The following GRM8 variants were observed in gnomAD, a reference collection of about 807,000 sequenced individuals.
The protein encoded by GRM8 is metabotropic glutamate receptor 8.
GRM8 carries 47 observed loss-of-function variants against 87.2 expected under a neutral mutation model. The ratio of observed to expected loss-of-function variants is 0.54; its 90% CI spans 0.43 to 0.69. The LOEUF (loss-of-function observed/expected upper bound fraction) is 0.69, where lower values mean the gene tolerates loss of function less well. GRM8 is among the 30% of genes least tolerant of loss of function. The pLI is 0.00. For synonymous variants in GRM8, 396 were observed against 404.5 expected (o/e 0.98, Z 0.25); for missense variants, 1,019 against 1,139.2 (o/e 0.89, Z 1.52).
At chr7:126,652,190 G>T (rs141354429) in intron 7 of GRM8, among the ~76,000 whole-genome samples, 11 of 152,068 alleles carry the variant, frequency 7.2e-5, no homozygotes, top group African/African-American at 2.7e-4. Context: ...TCATATTAGC[G>T]TTTAAGTATC....
intron 3 of GRM8, among the ~76,000 whole-genome samples, chr7:127,001,114 C>T (rs931006532): frequency 6.6e-6 from 1 of 151,664 alleles, no homozygotes; most frequent in Non-Finnish European, 1.5e-5. Flanking sequence ...GAAATAGACA[C>T]ATATATGATC....
At chr7:127,175,429 G>C (rs1267182097) in intron 2 of GRM8, among the ~76,000 whole-genome samples, 2 of 152,062 alleles carry the variant, frequency 1.3e-5, no homozygotes, top group Admixed American at 6.5e-5. Flanking sequence ...AGAAAAAGAA[G>C]AAAAAGTGGA....
At chr7:127,155,158 G>A (rs1374998406) in intron 2 of GRM8, among the ~76,000 whole-genome samples, 1 of 152,044 alleles carries the variant, frequency 6.6e-6, no homozygotes, top group Non-Finnish European at 1.5e-5. Flanking sequence ...GCATGTCACT[G>A]GGTGGAAATT....
chr7:126,533,306 T>A lies in GRM8; in HGVS notation c.2076A>T (p.Pro692=). The change falls in exon 9 of 11, where the codon CCA becomes CCT. Residue 692 remains proline, a synonymous_variant. Coordinates refer to ENST00000339582, the MANE Select transcript of GRM8 (RefSeq NM_000845.3). The stretch of plus-strand genomic sequence containing the variant: ...TGAAGGTGATCACCAGCTGAGATGC[T>A]GGACTAATGAACTTGGGCGCTGTGA... The part of the protein sequence containing the change: ...KSVTAPKFIS[P]ASQLVITFSL... 6.2e-7 allele frequency: 1 copy of A among 1,613,766 alleles called. No homozygotes were observed. The highest frequency in any genetic ancestry group is 2.2e-5 in the East Asian group (1 of 44,834).
At chr7:126,961,207 G>C (rs1486389637) in intron 3 of GRM8, among the ~76,000 whole-genome samples, 1 of 152,142 alleles carries the variant, frequency 6.6e-6, no homozygotes, top group Non-Finnish European at 1.5e-5. Context: ...AAAAGTGAAA[G>C]ATTTTCTGGT....
intron 3 of GRM8, among the ~76,000 whole-genome samples, chr7:126,977,139 T>A (rs1811072972): frequency 6.6e-6 from 1 of 152,190 alleles, no homozygotes; most frequent in African/African-American, 2.4e-5. Flanking sequence ...TTCATGACAC[T>A]GATGTGGCTA....
intron 9 of GRM8, among the ~76,000 whole-genome samples, chr7:126,467,935 T>A (rs535360405): frequency 3.3e-5 from 5 of 152,196 alleles, no homozygotes; most frequent in East Asian, 3.9e-4. Flanking sequence ...CATGGAAAAA[T>A]TTTTTAAATC....
intron 9 of GRM8, among the ~76,000 whole-genome samples, chr7:126,458,920 T>G (rs1476157291): frequency 6.6e-6 from 1 of 150,872 alleles, no homozygotes; most frequent in East Asian, 2.0e-4. Flanking sequence ...ACCTAAGTGG[T>G]GCTTGAAGGA....
At chr7:127,030,313 G>A (rs1817240523) in intron 3 of GRM8, among the ~76,000 whole-genome samples, 1 of 107,978 alleles carries the variant, frequency 9.3e-6, no homozygotes, top group Non-Finnish European at 2.0e-5. Context: ...ACCCCTCCCA[G>A]TCTTCTTATA....
intron 7 of GRM8, among the ~76,000 whole-genome samples, chr7:126,715,544 T>A (rs1811633560): frequency 6.6e-6 from 1 of 152,216 alleles, no homozygotes; most frequent in Non-Finnish European, 1.5e-5. Flanking sequence ...TTTTTACATT[T>A]GTGGTATACC....
intron 1 of GRM8, among the ~76,000 whole-genome samples, chr7:127,251,885 C>A (rs1798896842): frequency 6.6e-6 from 1 of 152,188 alleles, no homozygotes; most frequent in Non-Finnish European, 1.5e-5. Flanking sequence ...AAAAGAGGGG[C>A]ACGGAAATCC....
chr7:126,809,852 T>A (rs1052637396), intron 6 of GRM8, among the ~76,000 whole-genome samples: 3 of 152,104 alleles, frequency 2.0e-5, no homozygotes, highest in Non-Finnish European at 2.9e-5. Context: ...TTTTCCTAGA[T>A]TCTCAAATAA....
chr7:126,525,664 C>T (rs1006132171), intron 9 of GRM8, among the ~76,000 whole-genome samples: 1 of 152,178 alleles, frequency 6.6e-6, no homozygotes, highest in African/African-American at 2.4e-5. Flanking sequence ...AAATCAGACC[C>T]AACTGGCTTT....
chr7:126,593,987 T>C (rs965663736), intron 8 of GRM8, among the ~76,000 whole-genome samples: 13 of 151,996 alleles, frequency 8.6e-5, no homozygotes, highest in Non-Finnish European at 1.8e-4. Context: ...AATAGGTATA[T>C]GAAAAAACGC....
chr7:126,751,893 C>T (rs1390019177), intron 7 of GRM8, among the ~76,000 whole-genome samples: 1 of 152,128 alleles, frequency 6.6e-6, no homozygotes, highest in Non-Finnish European at 1.5e-5. Context: ...AGCTAGGAGG[C>T]CTGAACTGCT....
chr7:126,451,954 T>C (rs2150486455), intron 9 of GRM8, among the ~76,000 whole-genome samples: 1 of 151,884 alleles, frequency 6.6e-6, no homozygotes. Context: ...TCATTTAATG[T>C]ATGTGGTACC....
At chr7:127,082,708 T>C (rs1586947266) in intron 3 of GRM8, among the ~76,000 whole-genome samples, 1 of 152,212 alleles carries the variant, frequency 6.6e-6, no homozygotes, top group Non-Finnish European at 1.5e-5. Flanking sequence ...ATTATAATAA[T>C]AATGGCAAAC....
At chr7:126,630,099 C>A (rs1019549237) in intron 7 of GRM8, among the ~76,000 whole-genome samples, 16 of 150,796 alleles carry the variant, frequency 1.1e-4, no homozygotes, top group Non-Finnish European at 2.1e-4. Context: ...TTAACAAAAG[C>A]CTTAAAAAAT....
chr7:127,251,645 C>G (rs1798875234), intron 1 of GRM8, among the ~76,000 whole-genome samples: 1 of 151,526 alleles, frequency 6.6e-6, no homozygotes, highest in Non-Finnish European at 1.5e-5. Context: ...CCGGGGCATT[C>G]CGGCGCGCTG....
Sources: allele counts gnomAD v4.1 joint callset (sites outside exome capture counted in the v4.1 genomes callset), GRCh38; gene constraint gnomAD v4.1.1; transcripts MANE v1.5; gene names NCBI Gene and HGNC (gene_info 2026-07-23, HGNC 2026-07-21).